The following RAD54L2 variants were observed in gnomAD, a reference collection of about 807,000 sequenced individuals.
RAD54L2 encodes the protein helicase ARIP4.
Under a neutral mutation model 138.4 loss-of-function variants are expected in RAD54L2, and 27 were observed. That is an observed-to-expected ratio of 0.20 (90% confidence interval 0.14 to 0.27). The LOEUF is 0.27. Ranked by LOEUF, RAD54L2 falls within the 10% of genes least tolerant of loss-of-function variation. RAD54L2 has a pLI of 1.00. For synonymous variants in RAD54L2, 644 were observed against 723.2 expected (o/e 0.89, Z 1.76); for missense variants, 1,396 against 1,890.2 (o/e 0.74, Z 4.85).
chr3:51,628,617 T>C (rs1416235259), intron 4 of RAD54L2, among the ~76,000 whole-genome samples: 1 of 152,062 alleles, frequency 6.6e-6, no homozygotes, highest in Non-Finnish European at 1.5e-5. Flanking sequence ...CTTGAACTCC[T>C]GGCTTCAAGT....
rs150344096 is a variant in RAD54L2 at position 51,639,399 on chromosome 3, T to C, written c.1861-20T>C. 4.6e-4 allele frequency: 749 copies of C among 1,612,538 alleles called. No individual in the cohort carries two copies. The Middle Eastern group carries it at 6.1e-3, about 13-fold the overall frequency. On this transcript the variant is annotated intron_variant, in intron 12 of 22. Coordinates refer to ENST00000684192, the MANE Select transcript of RAD54L2 (RefSeq NM_015106.4). ...AATGTTTTTTGTCCTGTGTCTCCTC[T>C]CCCTTTCCTTGAACCTCAGATCTGG...
chr3:51,566,241 G>A (rs189324754), intron 2 of RAD54L2, among the ~76,000 whole-genome samples: 4 of 151,358 alleles, frequency 2.6e-5, no homozygotes, highest in South Asian at 2.1e-4. Context: ...CCTTTTTTTC[G>A]TCTTACTTAT....
chr3:51,652,014 A>G (rs1200005440), intron 19 of RAD54L2, among the ~76,000 whole-genome samples: 2 of 152,242 alleles, frequency 1.3e-5, no homozygotes, highest in Non-Finnish European at 2.9e-5. Context: ...TTTGCAGATG[A>G]CATGATTGTA....
chr3:51,660,779 G>T (rs1204865936), intron 22 of RAD54L2, among the ~76,000 whole-genome samples: 1 of 151,644 alleles, frequency 6.6e-6, no homozygotes, highest in Non-Finnish European at 1.5e-5. Context: ...ATGCCACCAC[G>T]CCCAGCTAAC....
chr3:51,653,262 A>G (rs1701491217), intron 19 of RAD54L2, among the ~76,000 whole-genome samples: 1 of 152,238 alleles, frequency 6.6e-6, no homozygotes. Flanking sequence ...AATGGTGATC[A>G]TTAAAAAGTC....
intron 3 of RAD54L2, among the ~76,000 whole-genome samples, chr3:51,591,561 G>A (rs1699841857): frequency 6.6e-6 from 1 of 152,100 alleles, no homozygotes; most frequent in African/African-American, 2.4e-5. Context: ...CCTTTATACT[G>A]TCCAGAAGCC....
At chr3:51,619,217 G>T (rs1039404808) in intron 3 of RAD54L2, among the ~76,000 whole-genome samples, 1 of 151,928 alleles carries the variant, frequency 6.6e-6, no homozygotes, top group African/African-American at 2.4e-5. Flanking sequence ...GCCACCACGC[G>T]TGGCTAATTT....
At chr3:51,660,183 G>C in intron 22 of RAD54L2, 65 bp downstream of exon 22, 1 of 1,337,122 alleles carries the variant, frequency 7.5e-7, no homozygotes, top group East Asian at 2.5e-5. Context: ...TTTTGGTTAG[G>C]TATTAACTTA....
At chr3:51,631,326 T>C (rs78149718) in intron 7 of RAD54L2, among the ~76,000 whole-genome samples, 2,373 of 151,434 alleles carry the variant, frequency 0.016, 53 homozygotes, top group African/African-American at 0.054. Context: ...TATGAGGGAG[T>C]AGAGTAGTTT....
chr3:51,613,329 C>A (rs1036088653), intron 3 of RAD54L2, among the ~76,000 whole-genome samples: 2 of 152,180 alleles, frequency 1.3e-5, no homozygotes, highest in African/African-American at 4.8e-5. Flanking sequence ...TTACCTCTAG[C>A]TGAGACGTTC....
Position 51,602,799 on chromosome 3 carries a change from A to G in RAD54L2, c.139+12240A>G, listed in dbSNP as rs112108728. Among the ~76,000 whole-genome samples, 941 of 152,276 alleles carry G rather than the reference A, an allele frequency of 6.2e-3. 7 individuals are homozygous for G. The highest frequency in any genetic ancestry group is 0.021 in the African/African-American group (887 of 41,554). ...ATTTTCATTTTAGTAGGTAGAGATA[A>G]ATGGTAAACAAGTATATAAACAATA... On this transcript the variant is annotated intron_variant, in intron 3 of 22. Transcript: ENST00000684192.
chr3:51,662,640 A>G lies in RAD54L2; in HGVS notation c.3624A>G (p.Gln1208=), dbSNP rs1231295497. Residue 1208 remains glutamine (Q), a synonymous_variant, in exon 23 of 23, where the codon CAA becomes CAG. Coordinates refer to ENST00000684192, the MANE Select transcript of RAD54L2 (RefSeq NM_015106.4). This position sits in a 1 kb window ranked among gnomAD's most constrained non-coding sequence, Gnocchi z 4.6. ...CCGCCCTGCCTGGCCCCCCGGCCCA[A>G]CTTATGGACAGCAGTGCTGTTCCCG... is the stretch of plus-strand genomic sequence containing the variant. ...TNAALPGPPA[Q]LMDSSAVPGT... 4 of 1,612,676 alleles carry G rather than the reference A, an allele frequency of 2.5e-6. No homozygotes were observed. The highest frequency in any genetic ancestry group is 3.4e-6 in the Non-Finnish European group (4 of 1,179,348).
intron 2 of RAD54L2, among the ~76,000 whole-genome samples, chr3:51,560,469 C>T (rs541737683): frequency 6.6e-6 from 1 of 151,666 alleles, no homozygotes; most frequent in African/African-American, 2.4e-5. Flanking sequence ...ACGCCATTCT[C>T]CTTCCTCAGC....
chr3:51,550,533 T>C (rs1193534357), intron 2 of RAD54L2, among the ~76,000 whole-genome samples: 1 of 151,768 alleles, frequency 6.6e-6, no homozygotes, highest in Non-Finnish European at 1.5e-5. Flanking sequence ...GAGGCCAAGG[T>C]AGGTGGATTG....
rs57001963 is a variant in RAD54L2 at position 51,593,325 on chromosome 3, C to CT, written c.139+2781dup. 5.6e-3 allele frequency among the ~76,000 whole-genome samples: 800 copies of CT among 142,806 alleles called. 2 individuals carry two copies. The highest frequency in any genetic ancestry group is 0.016 in the Admixed American group (223 of 14,126). 93.7% of individuals were successfully genotyped at this position (142,806 alleles called of 152,430 possible). On this transcript the variant is annotated intron_variant, in intron 3 of 22. Transcript: ENST00000684192. ...TCACAAAAGAAACTTACTTCAGCCC[C>CT]TTTTTTTTTTTTTTTATGTTTTTTT... is the stretch of plus-strand genomic sequence containing the variant.
intron 2 of RAD54L2, among the ~76,000 whole-genome samples, chr3:51,581,924 CTT>C (rs1456126530): frequency 6.6e-6 from 1 of 150,826 alleles, no homozygotes; most frequent in African/African-American, 2.4e-5. Flanking sequence ...TCTCCCTTCT[CTT>C]TTCTTTTTTT....
rs1360975533 is a variant in RAD54L2, at chr3:51,644,972, A to G, written c.2451-52A>G. On this transcript the variant is annotated intron_variant, in intron 16 of 22. Transcript: ENST00000684192. ...AGTCACAGAGGGCAAAACTGATTTG[A>G]AAACCTTTTTTAAGACTAAAGGCTC... 1.2e-5 allele frequency: 20 copies of G among 1,600,970 alleles called. No individual in the cohort carries two copies. The Admixed American group carries it at 3.0e-4, about 24-fold the overall frequency.
intron 2 of RAD54L2, among the ~76,000 whole-genome samples, chr3:51,589,617 A>G (rs1184529735): frequency 1.3e-5 from 2 of 151,016 alleles, no homozygotes; most frequent in Non-Finnish European, 2.9e-5. Flanking sequence ...AATGTGTGTC[A>G]TTTTCGCACA....
At position 51,663,613 on chromosome 3, in the gene RAD54L2, A is replaced by G; in HGVS notation, c.*193A>G. 1.7e-6 allele frequency: 1 copy of G among 592,894 alleles called. No homozygotes were observed. The highest frequency in any genetic ancestry group is 3.0e-5 in the East Asian group (1 of 32,958). 36.7% of individuals were successfully genotyped at this position (592,894 alleles called of 1,614,324 possible). On this transcript the variant is annotated 3_prime_UTR_variant, in exon 23 of 23. Coordinates refer to ENST00000684192, the MANE Select transcript of RAD54L2 (RefSeq NM_015106.4). ...AAGAGGCAAAAAAAAAAAAAAAAAA[A>G]AAAAAGTCCAACACAGCAGCAATAG...
Sources: gnomAD v4.1 joint callset for allele counts (sites outside exome capture counted in the v4.1 genomes callset) on GRCh38, gnomAD v4.1.1 for gene constraint, Gnocchi (gnomAD v3.1) non-coding constraint, MANE v1.5 for transcripts, NCBI Gene and HGNC (gene_info 2026-07-23, HGNC 2026-07-21) for gene names.